Variants in THUMPD1 observed in about 807,000 individuals in gnomAD.
THUMPD1 encodes the protein THUMP domain-containing protein 1.
A neutral mutation model predicts 31.6 loss-of-function variants in THUMPD1; 31 were observed. That is an observed-to-expected ratio of 0.98 (90% CI 0.74 to 1.32). The LOEUF is 1.32. Among genes scored for constraint, THUMPD1 ranks in the 40% most tolerant of loss-of-function variants. THUMPD1 has a pLI of 0.00. For missense variants in THUMPD1, 446 were observed against 427.8 expected, an observed-to-expected ratio of 1.04 and a Z score of -0.38; for synonymous variants, 166 against 158.2, an observed-to-expected ratio of 1.05 and a Z score of -0.37.
At chr16:20,737,353 C>A in intron 3 of THUMPD1, 67 bp from the exon 4 acceptor site, 5 of 1,478,780 alleles carry the variant, frequency 3.4e-6, no homozygotes, top group Admixed American at 2.3e-5. Context: ...TACAAAAAAT[C>A]TTTTGTCTCT....
chr16:20,739,163 T>G, intron 1 of THUMPD1, 92 bp from the exon 2 acceptor site: 2 of 1,277,164 alleles, frequency 1.6e-6, no homozygotes, highest in South Asian at 1.5e-5. Flanking sequence ...TGGCGGCAGG[T>G]GGCTCAGTAT....
chr16:20,738,912 T>C lies in THUMPD1; in HGVS notation c.391A>G (p.Arg131Gly). 1 of 1,614,146 alleles carries C rather than the reference T, an allele frequency of 6.2e-7. No individual in the cohort carries two copies. The highest frequency in any genetic ancestry group is 2.2e-5 in the East Asian group (1 of 44,890). ...ESGANNVVFI[R>G]TLGIEPEKLV... ...TTTGTCACACCTATCCCAAGTGTCC[T>C]GATGAAGACAACGTTATTTGCTCCA... is the stretch of plus-strand genomic sequence containing the variant. Residue 131 changes from arginine to glycine, a missense_variant, in exon 2 of 4, where the codon AGG (arginine) becomes GGG (glycine). By Grantham distance (125) the Arg-to-Gly change is moderately radical (BLOSUM62 -2). Coordinates refer to ENST00000396083, the MANE Select transcript of THUMPD1 (RefSeq NM_017736.5).
In THUMPD1 at chr16:20,734,250, C is replaced by T. The variant is rs2079849642; in HGVS notation, c.*2630G>A. 1 of 152,582 alleles carries T rather than the reference C, an allele frequency of 6.6e-6. No individual in the cohort carries two copies. Among genetic ancestry groups the T allele is most frequent in the African/African-American group, 2.4e-5 (1 of 41,436 alleles). The allele number at this position is 152,582 out of a possible 1,614,324, so 9.5% of individuals were successfully genotyped here. A position where few individuals can be genotyped will look rare whatever the true frequency, so the allele number is the denominator to read the frequency against. The stretch of plus-strand genomic sequence containing the variant: ...CATATGGCCAATTTTCTTCCGAGTC[C>T]TTTTGTCTTGCACTATCAAAATAGA... On this transcript the variant is annotated 3_prime_UTR_variant, in exon 4 of 4. Transcript: ENST00000396083.
chr16:20,738,654 T>C (rs2079891414), intron 2 of THUMPD1: 1 of 487,420 alleles, frequency 2.1e-6, no homozygotes, highest in Non-Finnish European at 3.6e-6. Flanking sequence ...ACTGGCACTC[T>C]AGTTCTGCCT....
intron 1 of THUMPD1, 28 bp downstream of exon 1, chr16:20,741,481 G>GGGGGGGGGGCCCCCCCCCC: frequency 7.6e-7 from 1 of 1,308,410 alleles, no homozygotes; most frequent in Non-Finnish European, 9.9e-7. Flanking sequence ...CTGGCAGCCG[G>GGGGGGGGGGCCCCCCCCCC]CCCGCCCGCC....
chr16:20,741,597 A>G lies in THUMPD1; in HGVS notation c.143T>C (p.Ile48Thr). Residue 48 changes from isoleucine to threonine, a missense_variant, in exon 1 of 4, where the codon ATC becomes ACC. Physicochemically the swap from Ile to Thr is moderately conservative, Grantham distance 89. Transcript: ENST00000396083. ...CTTGCGCTCGTTCATATTGCAGGTGATGAGGATGCCCTGTAGCCCGGGCTC... is the reference window on the plus strand; with the variant it reads ...CTTGCGCTCGTTCATATTGCAGGTGGTGAGGATGCCCTGTAGCCCGGGCTC... ...QLEPGLQGILITCNMNERKCV... is the reference protein window; with the variant it reads ...QLEPGLQGILTTCNMNERKCV... 6.4e-7 allele frequency: 1 copy of G among 1,573,642 alleles called. No individual in the cohort carries two copies. Among genetic ancestry groups the G allele is most frequent in the African/African-American group, 1.4e-5 (1 of 73,462 alleles).
Position 20,734,618 on chromosome 16 carries a change from C to T in THUMPD1, c.*2262G>A, listed in dbSNP as rs1371690037. Reference sequence around the variant, plus strand: ...TTAAAACTTAAGGATAAGTCCATTTCTACAAGCTAATTTTACAGCTCCTTA... The same window carrying T: ...TTAAAACTTAAGGATAAGTCCATTTTTACAAGCTAATTTTACAGCTCCTTA... On this transcript the variant is annotated 3_prime_UTR_variant, in exon 4 of 4. Coordinates refer to ENST00000396083, the MANE Select transcript of THUMPD1 (RefSeq NM_017736.5). 1 of 152,174 alleles carries T rather than the reference C, an allele frequency of 6.6e-6. No individual in the cohort carries two copies. Among genetic ancestry groups the T allele is most frequent in the African/African-American group, 2.4e-5 (1 of 41,446 alleles). The allele number at this position is 152,174 out of a possible 1,614,324, so 9.4% of individuals were successfully genotyped here. A position where few individuals can be genotyped will look rare whatever the true frequency, so the allele number is the denominator to read the frequency against.
rs2079866810 is a variant in THUMPD1 at position 20,736,114 on chromosome 16, T to C, written c.*766A>G. 1 of 152,198 alleles carries C rather than the reference T, an allele frequency of 6.6e-6. No homozygotes were observed. The highest frequency in any genetic ancestry group is 2.1e-4 in the South Asian group (1 of 4,830). 9.4% of individuals were successfully genotyped at this position (152,198 alleles called of 1,614,324 possible). A position where few individuals can be genotyped will look rare whatever the true frequency, so the allele number is the denominator to read the frequency against. ...AATTGCTAGTTTTGTAAGTTGCATG[T>C]CACAGACAATGCACAATGGGACAGG... On this transcript the variant is annotated 3_prime_UTR_variant, in exon 4 of 4. Transcript: ENST00000396083.
rs2079855191 is a variant in THUMPD1 at position 20,734,781 on chromosome 16, G to GT, written c.*2098dup. On this transcript the variant is annotated 3_prime_UTR_variant, in exon 4 of 4. Transcript: ENST00000396083. ...CCCCTGCAGAGAACCCTCATGGTAT[G>GT]TGAGTGTGAGCACTAAGTTGAAGAA... 1 of 152,302 alleles carries GT rather than the reference G, an allele frequency of 6.6e-6. No individual in the cohort carries two copies. The highest frequency in any genetic ancestry group is 1.5e-5 in the Non-Finnish European group (1 of 68,012). The allele number at this position is 152,302 out of a possible 1,614,324, so 9.4% of individuals were successfully genotyped here. A position where few individuals can be genotyped will look rare whatever the true frequency, so the allele number is the denominator to read the frequency against.
intron 3 of THUMPD1, 77 bp downstream of exon 3, chr16:20,737,631 C>A: frequency 4.8e-6 from 7 of 1,456,890 alleles, no homozygotes; most frequent in Non-Finnish European, 6.4e-6. Context: ...AGCCTTAAAT[C>A]TTTAAAAAGA....
At position 20,734,808 on chromosome 16, in the gene THUMPD1, A is replaced by C. The variant is rs1344636365; in HGVS notation, c.*2072T>G. 6.6e-6 allele frequency: 1 copy of C among 152,190 alleles called. No individual in the cohort carries two copies. Among genetic ancestry groups the C allele is most frequent in the Non-Finnish European group, 1.5e-5 (1 of 68,030 alleles). The allele number at this position is 152,190 out of a possible 1,614,324, so 9.4% of individuals were successfully genotyped here. ...GAGTGTGAGCACTAAGTTGAAGAAT[A>C]CTCTTATTTCACAGAAATCTAGGAC... On this transcript the variant is annotated 3_prime_UTR_variant, in exon 4 of 4. Coordinates refer to ENST00000396083, the MANE Select transcript of THUMPD1 (RefSeq NM_017736.5).
chr16:20,735,089 T>C lies in THUMPD1; in HGVS notation c.*1791A>G, dbSNP rs1199250099. On this transcript the variant is annotated 3_prime_UTR_variant, in exon 4 of 4. Transcript: ENST00000396083. ...GCAAGGTGGCAAGTCAGTTTCCTTT[T>C]AGATCTAAGAGTCTTGTCGCTTTAA... 2.0e-5 allele frequency: 3 copies of C among 152,260 alleles called. No individual in the cohort carries two copies. Among genetic ancestry groups the C allele is most frequent in the Non-Finnish European group, 2.9e-5 (2 of 68,046 alleles). 9.4% of individuals were successfully genotyped at this position (152,260 alleles called of 1,614,324 possible).
At chr16:20,739,099 A>G (rs764632135) in intron 1 of THUMPD1, 28 bp from the exon 2 acceptor site, 2 of 1,610,846 alleles carry the variant, frequency 1.2e-6, no homozygotes, top group Non-Finnish European at 1.7e-6. Context: ...ATGAGCAGAA[A>G]TGACACAACA....
intron 1 of THUMPD1, 28 bp downstream of exon 1, chr16:20,741,481 G>GGGGGGGGGGGGCCCCCCCCCCCCCCCCCC: frequency 7.6e-7 from 1 of 1,308,412 alleles, no homozygotes; most frequent in Non-Finnish European, 9.9e-7. Flanking sequence ...CTGGCAGCCG[G>GGGGGGGGGGGGCCCCCCCCCCCCCCCCCC]CCCGCCCGCC....
chr16:20,736,745 T>C lies in THUMPD1; in HGVS notation c.*135A>G, dbSNP rs190709829. 1.6e-3 allele frequency: 1,409 copies of C among 860,130 alleles called. 3 individuals are homozygous for C. Among genetic ancestry groups the C allele is most frequent in the Non-Finnish European group, 2.0e-3 (1,125 of 564,936 alleles). 53.3% of individuals were successfully genotyped at this position (860,130 alleles called of 1,614,324 possible). Reference sequence around the variant, plus strand: ...AACTGTTAACAGGGCTGCGCAATCATTGCTCACTACTGTGAGAACAGCATA... The same window carrying C: ...AACTGTTAACAGGGCTGCGCAATCACTGCTCACTACTGTGAGAACAGCATA... On this transcript the variant is annotated 3_prime_UTR_variant, in exon 4 of 4. Coordinates refer to ENST00000396083, the MANE Select transcript of THUMPD1 (RefSeq NM_017736.5).
Position 20,737,883 on chromosome 16 carries a change from C to A in THUMPD1, c.480G>T (p.Leu160Phe), listed in dbSNP as rs907038930. ...ATGTGCCTGAGATGGGTAACATTCG[C>A]AAAATAACTCGAGTCTTCTTTTTCT... Reference protein sequence around the residue: ...KTKKKKTRVILRMLPISGTCK... With the variant: ...KTKKKKTRVIFRMLPISGTCK... The change falls in exon 3 of 4, where the codon TTG becomes TTT. Residue 160 changes from leucine to phenylalanine, a missense_variant. Physicochemically the swap from Leu to Phe is conservative, Grantham distance 22. Transcript: ENST00000396083. The A allele has an allele frequency of 1.9e-6, 3 of 1,613,546 alleles. No homozygotes were observed. The highest frequency in any genetic ancestry group is 2.2e-5 in the East Asian group (1 of 44,792).
intron 1 of THUMPD1, 28 bp downstream of exon 1, chr16:20,741,481 G>GGGGGGGGGGGGGGCCCCCCCC: frequency 1.5e-6 from 2 of 1,308,408 alleles, no homozygotes; most frequent in African/African-American, 1.5e-5. Flanking sequence ...CTGGCAGCCG[G>GGGGGGGGGGGGGGCCCCCCCC]CCCGCCCGCC....
rs1257856774 is a variant in THUMPD1, at chr16:20,741,784, G to A, written c.-45C>T. 2 of 1,549,060 alleles carry A rather than the reference G, an allele frequency of 1.3e-6. No individual in the cohort carries two copies. The highest frequency in any genetic ancestry group is 1.4e-5 in the African/African-American group (1 of 73,262). Reference sequence around the variant, plus strand: ...GAAAGAGAAACGTTTCTCCGCTGCTGTTGGCGTCCTCGTCTATCGCCGGCG... The same window carrying A: ...GAAAGAGAAACGTTTCTCCGCTGCTATTGGCGTCCTCGTCTATCGCCGGCG... On this transcript the variant is annotated 5_prime_UTR_variant, in exon 1 of 4. Transcript: ENST00000396083.
chr16:20,737,570 A>C, intron 3 of THUMPD1, 138 bp downstream of exon 3: 1 of 900,106 alleles, frequency 1.1e-6, no homozygotes. Context: ...CAGTTGATTT[A>C]ATACTATTTT....
Sources: gnomAD v4.1 joint callset for allele counts on GRCh38, gnomAD v4.1.1 for gene constraint, MANE v1.5 for transcripts, NCBI Gene and HGNC (gene_info 2026-07-23, HGNC 2026-07-21) for gene names.